The following GNB1 variants were observed in gnomAD, a reference collection of about 807,000 sequenced individuals.
GNB1 encodes the protein guanine nucleotide-binding protein G(I)/G(S)/G(T) subunit beta-1.
GNB1 carries 2 observed loss-of-function variants against 42.9 expected under a neutral mutation model. That is an observed-to-expected ratio of 0.05 (90% CI 0.02 to 0.15). The LOEUF is 0.15. Ranked by LOEUF, GNB1 falls within the 10% of genes least tolerant of loss-of-function variation. The pLI, the probability that GNB1 is intolerant of heterozygous loss-of-function variation, is 1.00. For synonymous variants in GNB1, 183 were observed against 174.7 expected (o/e 1.05, Z -0.38); for missense variants, 193 against 462.2 (o/e 0.42, Z 5.34).
At chr1:1,817,918 C>T (rs373243069) in intron 3 of GNB1, 43 bp from the exon 4 acceptor site, 4 of 1,465,264 alleles carry the variant, frequency 2.7e-6, no homozygotes. Flanking sequence ...CTTTCAGATA[C>T]ATTCAATCTC....
intron 1 of GNB1, among the ~76,000 whole-genome samples, chr1:1,860,466 A>AAAAC (rs558281553): frequency 6.6e-6 from 1 of 151,984 alleles, no homozygotes. Context: ...TAAATAAATA[A>AAAAC]AAACAAACAA....
intron 2 of GNB1, among the ~76,000 whole-genome samples, chr1:1,837,659 A>C (rs1232106338): frequency 2.0e-5 from 3 of 151,940 alleles, no homozygotes; most frequent in Non-Finnish European, 2.9e-5. Context: ...TCCTGGGTTC[A>C]AGCGATTCCC....
intron 1 of GNB1, among the ~76,000 whole-genome samples, chr1:1,876,983 G>A (rs1234866485): frequency 3.3e-5 from 5 of 152,048 alleles, no homozygotes; most frequent in Non-Finnish European, 7.4e-5. Context: ...CAATTACAAA[G>A]TAGAAAAATC....
chr1:1,850,951 C>T (rs564688912), intron 1 of GNB1, among the ~76,000 whole-genome samples: 6 of 152,270 alleles, frequency 3.9e-5, no homozygotes, highest in Non-Finnish European at 5.9e-5. Context: ...CCTTCAACTT[C>T]GTGGCACCAT....
At chr1:1,860,712 C>CA (rs888879848) in intron 1 of GNB1, among the ~76,000 whole-genome samples, 42 of 150,076 alleles carry the variant, frequency 2.8e-4, no homozygotes, top group South Asian at 6.4e-4. Flanking sequence ...GACTCTGTCT[C>CA]AAAAAAAAAG....
At position 1,787,269 on chromosome 1, in the gene GNB1, T is replaced by G; in HGVS notation, c.*9+53A>C. 4.5e-6 allele frequency: 4 copies of G among 882,530 alleles called. No homozygotes were observed. The highest frequency in any genetic ancestry group is 7.5e-6 in the Non-Finnish European group (4 of 534,410). 54.7% of individuals were successfully genotyped at this position (882,530 alleles called of 1,614,324 possible). On this transcript the variant is annotated intron_variant, in intron 11 of 11. Coordinates refer to ENST00000378609, the MANE Select transcript of GNB1 (RefSeq NM_002074.5). This position sits in a 1 kb window ranked among gnomAD's most constrained non-coding sequence, Gnocchi z 4.4. ...GTTAATGACAACTTCAAATGTTCTA[T>G]GAGAAACACGCACAGTTCTCCTCAG... is the stretch of plus-strand genomic sequence containing the variant.
At chr1:1,834,956 C>T (rs1022564311) in intron 2 of GNB1, among the ~76,000 whole-genome samples, 1 of 152,178 alleles carries the variant, frequency 6.6e-6, no homozygotes, top group Non-Finnish European at 1.5e-5. Context: ...GCGTGAGCCA[C>T]TGCACCCGGC....
At chr1:1,846,022 G>C (rs1647643567) in intron 1 of GNB1, among the ~76,000 whole-genome samples, 1 of 152,038 alleles carries the variant, frequency 6.6e-6, no homozygotes, top group Non-Finnish European at 1.5e-5. Flanking sequence ...TCTGGCACAG[G>C]AACCCTCTTG....
chr1:1,836,809 C>T (rs2101127613), intron 2 of GNB1, among the ~76,000 whole-genome samples: 1 of 152,122 alleles, frequency 6.6e-6, no homozygotes, highest in Admixed American at 6.6e-5. Flanking sequence ...CCTGGGCCTC[C>T]CAAAGTGCTG....
intron 1 of GNB1, among the ~76,000 whole-genome samples, chr1:1,878,694 T>G (rs899404422): frequency 2.6e-5 from 4 of 152,206 alleles, no homozygotes; most frequent in African/African-American, 4.8e-5. Context: ...TGCCTCTCCT[T>G]GGCACATCTT....
chr1:1,861,969 G>A (rs958066964), intron 1 of GNB1, among the ~76,000 whole-genome samples: 1 of 152,150 alleles, frequency 6.6e-6, no homozygotes, highest in Non-Finnish European at 1.5e-5. Context: ...GGGAGGCTGA[G>A]GCAAGAGAAT....
chr1:1,884,566 A>T (rs1376102252), intron 1 of GNB1, among the ~76,000 whole-genome samples: 1 of 152,136 alleles, frequency 6.6e-6, no homozygotes. Flanking sequence ...GAGTGTCTGT[A>T]ATCAACATAG....
At chr1:1,884,109 G>A (rs1385358415) in intron 1 of GNB1, among the ~76,000 whole-genome samples, 1 of 151,106 alleles carries the variant, frequency 6.6e-6, no homozygotes, top group African/African-American at 2.4e-5. Context: ...GAGATTACAG[G>A]CATGTGCCAC....
chr1:1,833,279 A>G (rs1349585030), intron 2 of GNB1, among the ~76,000 whole-genome samples: 1 of 152,198 alleles, frequency 6.6e-6, no homozygotes, highest in Non-Finnish European at 1.5e-5. Context: ...GAAAGAGAGG[A>G]GTTTGCATGA....
At chr1:1,833,418 G>A (rs1647102804) in intron 2 of GNB1, among the ~76,000 whole-genome samples, 1 of 152,134 alleles carries the variant, frequency 6.6e-6, no homozygotes, top group Admixed American at 6.5e-5. Context: ...CTTCCCTTAC[G>A]CACCGCTCCT....
At chr1:1,806,839 T>A (rs1258839015) in intron 5 of GNB1, among the ~76,000 whole-genome samples, 2 of 152,162 alleles carry the variant, frequency 1.3e-5, no homozygotes, top group African/African-American at 4.8e-5. Flanking sequence ...CCGGGCATGG[T>A]AGTGCGTCTC....
intron 1 of GNB1, among the ~76,000 whole-genome samples, chr1:1,842,971 A>C (rs1647393910): frequency 6.6e-6 from 1 of 152,202 alleles, no homozygotes; most frequent in African/African-American, 2.4e-5. Context: ...CACAATGAAC[A>C]TTTTAGGCAG....
intron 1 of GNB1, among the ~76,000 whole-genome samples, chr1:1,846,851 G>A (rs1444092252): frequency 6.6e-6 from 1 of 152,154 alleles, no homozygotes; most frequent in East Asian, 1.9e-4. Flanking sequence ...TGAGCCACTG[G>A]TTCTAGCTGA....
At chr1:1,803,297 T>C (rs944883998) in intron 7 of GNB1, among the ~76,000 whole-genome samples, 6 of 152,236 alleles carry the variant, frequency 3.9e-5, no homozygotes, top group Admixed American at 3.9e-4. Context: ...GCCACAGGGC[T>C]CTATTATGCC....
Sources: gnomAD v4.1 joint callset for allele counts (sites outside exome capture counted in the v4.1 genomes callset) on GRCh38, gnomAD v4.1.1 for gene constraint, Gnocchi (gnomAD v3.1) non-coding constraint, MANE v1.5 for transcripts, NCBI Gene and HGNC (gene_info 2026-07-23, HGNC 2026-07-21) for gene names.